PRDM16: variants seen among roughly 807,000 people sequenced by gnomAD.
PRDM16 encodes histone-lysine N-methyltransferase PRDM16.
In PRDM16, 23 loss-of-function variants were observed where a neutral mutation model predicts 110.6. The ratio of observed to expected loss-of-function variants is 0.21; its 90% CI spans 0.15 to 0.29. The LOEUF is 0.29. PRDM16 is among the 10% of genes least tolerant of loss of function. The pLI, the probability that PRDM16 is intolerant of heterozygous loss-of-function variation, is 1.00. For missense variants in PRDM16, 1,615 were observed against 1,794.3 expected (o/e 0.90, Z 1.81); for synonymous variants, 799 against 781.8 (o/e 1.02, Z -0.37).
chr1:3,121,228 T>TGCCCCAGGAGCCC (rs1643087941), intron 1 of PRDM16, among the ~76,000 whole-genome samples: 1 of 152,174 alleles, frequency 6.6e-6, no homozygotes, highest in African/African-American at 2.4e-5. Context: ...GGACGGAGCC[T>TGCCCCAGGAGCCC]GCCCCAGGAG....
rs1642236182 is a variant in PRDM16, at chr1:3,339,810, CCT to C, written c.439-45341_439-45340del. Among the ~76,000 whole-genome samples, 3 of 152,176 alleles carry C rather than the reference CCT, an allele frequency of 2.0e-5. No homozygotes were observed. The highest frequency in any genetic ancestry group is 1.3e-4 in the Admixed American group (2 of 15,284). On this transcript the variant is annotated intron_variant, in intron 3 of 16. Coordinates refer to ENST00000270722, the MANE Select transcript of PRDM16 (RefSeq NM_022114.4). The surrounding 1 kb of genome is among the most constrained non-coding windows in gnomAD (Gnocchi z 5.0). Reference sequence around the variant, plus strand: ...CAGCTGCTGGAATCCTCAGAGAGCCCCTGTCACTCAAAGGGAGGAAGAATCCA... The same window carrying C: ...CAGCTGCTGGAATCCTCAGAGAGCCCGTCACTCAAAGGGAGGAAGAATCCA...
At position 3,359,490 on chromosome 1, in the gene PRDM16, T is replaced by C. The variant is rs1278311543; in HGVS notation, c.439-25662T>C. 6.6e-6 allele frequency among the ~76,000 whole-genome samples: 1 copy of C among 151,804 alleles called. No individual in the cohort carries two copies. The highest frequency in any genetic ancestry group is 1.5e-5 in the Non-Finnish European group (1 of 67,974). Reference sequence around the variant, plus strand: ...TTAAAAAAGCACAAAGCAGCAAGAATTGCGGCCCGGGAGCAGTGGCTGCAG... The same window carrying C: ...TTAAAAAAGCACAAAGCAGCAAGAACTGCGGCCCGGGAGCAGTGGCTGCAG... On this transcript the variant is annotated intron_variant, in intron 3 of 16. Transcript: ENST00000270722. This position sits in a 1 kb window ranked among gnomAD's most constrained non-coding sequence, Gnocchi z 4.3.
intron 3 of PRDM16, among the ~76,000 whole-genome samples, chr1:3,284,676 A>G (rs185980045): frequency 6.6e-6 from 1 of 152,228 alleles, no homozygotes; most frequent in African/African-American, 2.4e-5. Flanking sequence ...CTGTGGCCTT[A>G]TGATGGGGAA....
At chr1:3,260,736 G>GTTGTGATGATGT (rs1640143369) in intron 3 of PRDM16, among the ~76,000 whole-genome samples, 1 of 54 alleles carries the variant, frequency 0.019, no homozygotes. Context: ...GATGGTGATG[G>GTTGTGATGATGT]TGGTGATGAT....
rs556518291 is a variant in PRDM16, at chr1:3,412,558, C to T, written c.2361C>T (p.Pro787=). The change falls in exon 9 of 17, where the codon CCC becomes CCT. Residue 787 remains proline, a synonymous_variant. Transcript: ENST00000270722. ...CCAAAGACGTGAAGCCCATCCTGCC[C>T]ATGCCCAAGGGCCCCTCGGCCCCCG... ...TKPKDVKPIL[P]MPKGPSAPAS... 1.9e-6 allele frequency: 3 copies of T among 1,611,656 alleles called. No individual in the cohort carries two copies. Among genetic ancestry groups the T allele is most frequent in the Middle Eastern group, 3.3e-4 (2 of 6,062 alleles).
rs998455937 is a variant in PRDM16, at chr1:3,359,312, C to A, written c.439-25840C>A. On this transcript the variant is annotated intron_variant, in intron 3 of 16. Transcript: ENST00000270722. This position sits in a 1 kb window ranked among gnomAD's most constrained non-coding sequence, Gnocchi z 4.3. ...TGCTGACCCTCCTGGCCAAGGGCAG[C>A]TGCCTTTGTCCTGGATGTCAATGTC... 5.3e-5 allele frequency among the ~76,000 whole-genome samples: 8 copies of A among 152,204 alleles called. No individual in the cohort carries two copies. The highest frequency in any genetic ancestry group is 1.9e-4 in the African/African-American group (8 of 41,458).
intron 3 of PRDM16, among the ~76,000 whole-genome samples, chr1:3,278,243 C>T (rs1640635115): frequency 6.6e-6 from 1 of 152,224 alleles, no homozygotes; most frequent in African/African-American, 2.4e-5. Context: ...TGCTGCATCT[C>T]CTCCAGCATC....
chr1:3,181,735 TAC>T (rs1295001712), intron 1 of PRDM16, among the ~76,000 whole-genome samples: 1 of 143,282 alleles, frequency 7.0e-6, no homozygotes, highest in East Asian at 2.1e-4. Context: ...CACACGGTCT[TAC>T]ACACGGAGTC....
intron 1 of PRDM16, among the ~76,000 whole-genome samples, chr1:3,074,583 C>T (rs1641849799): frequency 6.6e-6 from 1 of 152,218 alleles, no homozygotes; most frequent in South Asian, 2.1e-4. Flanking sequence ...TGGGCTCCGT[C>T]CCCCACAGCT....
At chr1:3,323,852 T>C (rs1241927751) in intron 3 of PRDM16, among the ~76,000 whole-genome samples, 1 of 152,192 alleles carries the variant, frequency 6.6e-6, no homozygotes, top group Non-Finnish European at 1.5e-5. Context: ...AAGAGGCCTG[T>C]TCAGCTTAGA....
rs374277075 is a variant in PRDM16 at position 3,246,954 on chromosome 1, C to T, written c.438+2817C>T. Among the ~76,000 whole-genome samples the T allele has an allele frequency of 9.4e-4, 143 of 152,256 alleles. No homozygotes were observed. Among genetic ancestry groups the T allele is most frequent in the Admixed American group, 1.5e-3 (23 of 15,294 alleles). On this transcript the variant is annotated intron_variant, in intron 3 of 16. Transcript: ENST00000270722. This position sits in a 1 kb window ranked among gnomAD's most constrained non-coding sequence, Gnocchi z 5.2. ...GGAGACCCCACCCTGCAAACAAATG[C>T]GCCACTTAGAGCTGTTGGTATAGGT...
rs116271360 is a variant in PRDM16, at chr1:3,374,824, C to T, written c.439-10328C>T. 7.0e-3 allele frequency among the ~76,000 whole-genome samples: 1,072 copies of T among 152,330 alleles called. 15 individuals carry two copies. The highest frequency in any genetic ancestry group is 0.061 in the South Asian group (293 of 4,822). Reference sequence around the variant, plus strand: ...GAGGTGCTTGTACTTCTTGACTATCCGGAAGACCCAGGTACGGCCCCATTC... The same window carrying T: ...GAGGTGCTTGTACTTCTTGACTATCTGGAAGACCCAGGTACGGCCCCATTC... On this transcript the variant is annotated intron_variant, in intron 3 of 16. Transcript: ENST00000270722.
intron 12 of PRDM16, among the ~76,000 whole-genome samples, chr1:3,419,078 G>A (rs924868831): frequency 2.6e-5 from 4 of 152,192 alleles, no homozygotes; most frequent in African/African-American, 9.6e-5. Context: ...GGGCCCAGAG[G>A]GTCCACATGG....
chr1:3,418,598 A>G lies in PRDM16; in HGVS notation c.2862-69A>G, dbSNP rs190025799. ...AGACCCCGAGCATTAGCTTGAAACC[A>G]TTTCTGGGAAATGGCCATGTAAGCC... On this transcript the variant is annotated intron_variant, in intron 11 of 16. Coordinates refer to ENST00000270722, the MANE Select transcript of PRDM16 (RefSeq NM_022114.4). The G allele has an allele frequency of 5.5e-4, 596 of 1,084,382 alleles. 2 individuals carry two copies. The African/African-American group carries it at 8.3e-3, about 15-fold the overall frequency. The allele number at this position is 1,084,382 out of a possible 1,614,324, so 67.2% of individuals were successfully genotyped here. A position where few individuals can be genotyped will look rare whatever the true frequency, so the allele number is the denominator to read the frequency against.
intron 3 of PRDM16, among the ~76,000 whole-genome samples, chr1:3,274,323 G>A (rs902906323): frequency 1.3e-5 from 2 of 152,150 alleles, no homozygotes; most frequent in Non-Finnish European, 2.9e-5. Context: ...CTAAAGAGGT[G>A]CCATTCACTT....
intron 1 of PRDM16, among the ~76,000 whole-genome samples, chr1:3,078,468 G>A (rs1034038597): frequency 5.3e-5 from 8 of 152,210 alleles, no homozygotes; most frequent in Non-Finnish European, 8.8e-5. Flanking sequence ...AACCCCCGCC[G>A]CTCTAGACAT....
At chr1:3,285,264 C>CT (rs1640819100) in intron 3 of PRDM16, among the ~76,000 whole-genome samples, 1 of 152,200 alleles carries the variant, frequency 6.6e-6, no homozygotes, top group Non-Finnish European at 1.5e-5. Flanking sequence ...GTGGAGGCCC[C>CT]TGCCTCTCCC....
At chr1:3,426,030 G>T (rs377765726) in intron 13 of PRDM16, 21 bp from the exon 14 acceptor site, 2 of 1,600,228 alleles carry the variant, frequency 1.2e-6, no homozygotes, top group Non-Finnish European at 1.7e-6. Context: ...GCCGCCCCCT[G>T]ATGCTCCCGC....
chr1:3,233,890 T>A (rs1464874324), intron 2 of PRDM16, among the ~76,000 whole-genome samples: 1 of 146,312 alleles, frequency 6.8e-6, no homozygotes, highest in African/African-American at 2.8e-5. Context: ...TGGGGTTTTT[T>A]TAAAAAAAAA....
Sources: allele counts gnomAD v4.1 joint callset (sites outside exome capture counted in the v4.1 genomes callset), GRCh38; gene constraint gnomAD v4.1.1; non-coding constraint Gnocchi (gnomAD v3.1); transcripts MANE v1.5; gene names NCBI Gene and HGNC (gene_info 2026-07-23, HGNC 2026-07-21).